Variants in TSC2 observed in about 807,000 individuals in gnomAD.
The protein encoded by TSC2 is tuberin.
TSC2 carries 29 observed loss-of-function variants against 202.2 expected under a neutral mutation model. That is an observed-to-expected ratio of 0.14 (90% confidence interval 0.11 to 0.20). The LOEUF (loss-of-function observed/expected upper bound fraction) is 0.20. TSC2 is among the 10% of genes least tolerant of loss of function. TSC2 has a pLI of 1.00. For missense variants in TSC2, 2,429 were observed against 2,420.0 expected, an observed-to-expected ratio of 1.00 and a Z score of -0.08; for synonymous variants, 1,349 against 1,044.0, an observed-to-expected ratio of 1.29 and a Z score of -5.63.
At chr16:2,057,807 C>T (rs927587444) in intron 9 of TSC2, among the ~76,000 whole-genome samples, 3 of 147,448 alleles carry the variant, frequency 2.0e-5, no homozygotes, top group African/African-American at 7.6e-5. Context: ...TGCCTCGGCC[C>T]CTGCATCTCT....
Position 2,056,231 on chromosome 16 carries a change from C to T in TSC2, c.635C>T (p.Ser212Phe), listed in dbSNP as rs2085795216. 1.2e-6 allele frequency: 2 copies of T among 1,613,948 alleles called. No homozygotes were observed. Among genetic ancestry groups the T allele is most frequent in the Non-Finnish European group, 1.7e-6 (2 of 1,180,038 alleles). Residue 212 changes from serine to phenylalanine, a missense_variant, in exon 7 of 42, where the codon TCT (serine) becomes TTT (phenylalanine). Ser to Phe is a radical substitution (Grantham distance 155). Transcript: ENST00000219476. ...ICLLCVRTASSVDIEVSLQVL... is the reference protein window; with the variant it reads ...ICLLCVRTASFVDIEVSLQVL... ...CTGCTGTGCGTCCGGACCGCGTCCT[C>T]TGTGGACATAGAGGTCAGTGCCTCC...
At chr16:2,053,890 ACTC>A in intron 4 of TSC2, 1 of 451,252 alleles carries the variant, frequency 2.2e-6, no homozygotes, top group Non-Finnish European at 4.4e-6. Context: ...GGCCACTTCT[ACTC>A]CTTCATGTCC....
In TSC2 at chr16:2,070,680, G is replaced by A. The variant is rs554572449; in HGVS notation, c.1839+102G>A. The A allele has an allele frequency of 2.7e-5, 43 of 1,569,212 alleles. No individual in the cohort carries two copies. The South Asian group carries it at 4.8e-4, about 17-fold the overall frequency. ...GAAGCTGCAGAGACGGCCCCAGGAT[G>A]GGGCCTCAGCTGACCGTCCCTCCTC... On this transcript the variant is annotated intron_variant, in intron 17 of 41. Transcript: ENST00000219476.
Position 2,082,212 on chromosome 16 carries a change from G to T in TSC2, c.3815-224G>T, listed in dbSNP as rs1438080764. 4.9e-6 allele frequency: 3 copies of T among 610,704 alleles called. No homozygotes were observed. The East Asian group carries it at 8.2e-5, about 17-fold the overall frequency. 37.8% of individuals were successfully genotyped at this position (610,704 alleles called of 1,614,324 possible). ...CCTCTGGCTCTTCCCTGTGGCTGCA[G>T]ATGGCACTTAGCGGCCTAGGACGTC... On this transcript the variant is annotated intron_variant, in intron 31 of 41. Transcript: ENST00000219476.
Position 2,084,683 on chromosome 16 carries a change from C to T in TSC2, c.4461C>T (p.Ser1487=), listed in dbSNP as rs777104003. The T allele has an allele frequency of 1.8e-5, 29 of 1,598,542 alleles. No individual in the cohort carries two copies. Among genetic ancestry groups the T allele is most frequent in the Non-Finnish European group, 2.5e-5 (29 of 1,179,818 alleles). The part of the protein sequence containing the change: ...RDALKSRATA[S]NAEKVPGINP... ...CCTTAAAGAGCAGAGCCACAGCCTC[C>T]AATGCAGAGAAAGTGCCAGGCATCA... Residue 1487 remains serine, a synonymous_variant, in exon 34 of 42, where the codon TCC becomes TCT. Coordinates refer to ENST00000219476, the MANE Select transcript of TSC2 (RefSeq NM_000548.5).
intron 32 of TSC2, chr16:2,083,231 G>T (rs1596408796): frequency 2.2e-6 from 1 of 460,814 alleles, no homozygotes; most frequent in Admixed American, 2.3e-5. Flanking sequence ...GTCCCCAGCT[G>T]TGGGTCTGGC....
intron 38 of TSC2, among the ~76,000 whole-genome samples, 174 bp from the exon 39 acceptor site, chr16:2,087,689 G>C (rs1045510892): frequency 1.3e-5 from 2 of 152,208 alleles, no homozygotes; most frequent in African/African-American, 4.8e-5. Context: ...GATGTGGAGG[G>C]GGCTTGGCCT....
chr16:2,058,045 C>G (rs546244670), intron 9 of TSC2, among the ~76,000 whole-genome samples: 6 of 142,072 alleles, frequency 4.2e-5, no homozygotes, highest in African/African-American at 1.6e-4. Context: ...GGCCCTGCAT[C>G]TTTCCTTCCC....
intron 7 of TSC2, 110 bp from the exon 8 acceptor site, chr16:2,056,534 G>A (rs1018371812): frequency 1.3e-5 from 20 of 1,486,122 alleles, no homozygotes; most frequent in Non-Finnish European, 1.6e-5. Context: ...CCATGGCAGC[G>A]GGGAGAGGTG....
Position 2,088,694 on chromosome 16 carries a change from C to A in TSC2, c.*84C>A. 6.7e-7 allele frequency: 1 copy of A among 1,489,232 alleles called. No homozygotes were observed. The highest frequency in any genetic ancestry group is 9.0e-7 in the Non-Finnish European group (1 of 1,108,354). 92.3% of individuals were successfully genotyped at this position (1,489,232 alleles called of 1,614,324 possible). ...TAAAGTCCTGACCCCAGTGCACAGACATAGAGGCACAGATTGCAGTCAGAC... is the reference window on the plus strand; with the variant it reads ...TAAAGTCCTGACCCCAGTGCACAGAAATAGAGGCACAGATTGCAGTCAGAC... On this transcript the variant is annotated 3_prime_UTR_variant, in exon 42 of 42. Transcript: ENST00000219476.
rs746160626 is a variant in TSC2 at position 2,088,273 on chromosome 16, A to C, written c.5207A>C (p.Tyr1736Ser). ...AGCCGCTCCAACCCCACCGATATCT[A>C]CCCCTCCAAGTGGATTGCCCGGCTC... ...HHSRSNPTDI[Y>S]PSKWIARLRH... Residue 1736 changes from tyrosine (Y) to serine (S), a missense_variant, in exon 41 of 42, where the codon TAC becomes TCC. Coordinates refer to ENST00000219476, the MANE Select transcript of TSC2 (RefSeq NM_000548.5). The C allele has an allele frequency of 6.2e-7, 1 of 1,612,770 alleles. No individual in the cohort carries two copies.
intron 21 of TSC2, among the ~76,000 whole-genome samples, chr16:2,073,837 T>A (rs567516924): frequency 2.6e-5 from 4 of 152,402 alleles, no homozygotes; most frequent in African/African-American, 9.6e-5. Context: ...TCCGCTCATC[T>A]TCTGCTGTCC....
chr16:2,049,928 G>A (rs2084891432), intron 2 of TSC2, among the ~76,000 whole-genome samples: 1 of 151,918 alleles, frequency 6.6e-6, no homozygotes, highest in Non-Finnish European at 1.5e-5. Flanking sequence ...TCCTCGGGAT[G>A]GAGCAGTAAA....
At chr16:2,082,110 G>GGCCCAGGTTTGGACACCTGA (rs1464575490) in intron 31 of TSC2, 2 of 590,006 alleles carry the variant, frequency 3.4e-6, no homozygotes, top group Non-Finnish European at 6.0e-6. Flanking sequence ...TCCCTGCCTG[G>GGCCCAGGTTTGGACACCTGA]GCCCAGGTTT....
chr16:2,048,047 C>A lies in TSC2; in HGVS notation c.-48C>A. ...TTCTCCGCGTCGGGGCGGCCCGGAG[C>A]GCGGTGGCGCGGCGCGGGGTAAGTG... On this transcript the variant is annotated 5_prime_UTR_variant, in exon 1 of 42. Transcript: ENST00000219476. 1 of 1,424,086 alleles carries A rather than the reference C, an allele frequency of 7.0e-7. No homozygotes were observed. The highest frequency in any genetic ancestry group is 2.7e-5 in the East Asian group (1 of 36,846). The allele number at this position is 1,424,086 out of a possible 1,614,324, so 88.2% of individuals were successfully genotyped here. A position where few individuals can be genotyped will look rare whatever the true frequency, so the allele number is the denominator to read the frequency against.
At position 2,071,814 on chromosome 16, in the gene TSC2, C is replaced by T. The variant is rs369065703; in HGVS notation, c.1977C>T (p.Thr659=). 2.5e-6 allele frequency: 4 copies of T among 1,602,530 alleles called. No homozygotes were observed. The African/African-American group carries it at 5.4e-5, about 21-fold the overall frequency. The change falls in exon 19 of 42, where the codon ACC becomes ACT. Residue 659 remains threonine, a synonymous_variant. Coordinates refer to ENST00000219476, the MANE Select transcript of TSC2 (RefSeq NM_000548.5). ...CAGAGAGAGGCTCTGAGAAGAAGAC[C>T]AGCGGCCCCCTTTCTCCTCCCACAG... The part of the protein sequence containing the change: ...MEPERGSEKK[T]SGPLSPPTGP...
Position 2,053,462 on chromosome 16 carries a change from A to G in TSC2, c.336+10A>G, listed in dbSNP as rs587778005. ...CATCGTGCAGGGGCAGGTAAGGCCC[A>G]GGGCGACGCTGGGATGGGTGACGTC... On this transcript the variant is annotated intron_variant, in intron 4 of 41. Transcript: ENST00000219476. 67 of 1,558,768 alleles carry G rather than the reference A, an allele frequency of 4.3e-5. No homozygotes were observed. Among genetic ancestry groups the G allele is most frequent in the Non-Finnish European group, 5.5e-5 (63 of 1,151,820 alleles).
chr16:2,054,140 A>C, intron 4 of TSC2, 156 bp from the exon 5 acceptor site: 4 of 1,208,956 alleles, frequency 3.3e-6, no homozygotes, highest in Non-Finnish European at 4.8e-6. Context: ...GCCCTGTACA[A>C]TGCTGATGCT....
In TSC2 at chr16:2,058,737, A is replaced by T. The variant is rs1596288175; in HGVS notation, c.849-10A>T. Reference sequence around the variant, plus strand: ...TGCTCACATTCCGTCTCTCTGGGGAACACTTTTAGAGCCTACATGGAGGAC... The same window carrying T: ...TGCTCACATTCCGTCTCTCTGGGGATCACTTTTAGAGCCTACATGGAGGAC... On this transcript the variant is annotated splice_polypyrimidine_tract_variant and intron_variant, in intron 9 of 41. Transcript: ENST00000219476. The T allele has an allele frequency of 6.3e-7, 1 of 1,575,338 alleles. No homozygotes were observed. Among genetic ancestry groups the T allele is most frequent in the Non-Finnish European group, 8.6e-7 (1 of 1,160,404 alleles).
Sources: allele counts gnomAD v4.1 joint callset (sites outside exome capture counted in the v4.1 genomes callset), GRCh38; gene constraint gnomAD v4.1.1; transcripts MANE v1.5; gene names NCBI Gene and HGNC (gene_info 2026-07-23, HGNC 2026-07-21).